Variants in LIN52 observed in about 807,000 individuals in gnomAD.
LIN52 encodes lin-52 DREAM MuvB core complex component.
In LIN52, 4 loss-of-function variants were observed where a neutral mutation model predicts 18.5. The ratio of observed to expected loss-of-function variants is 0.22; its 90% CI spans 0.11 to 0.49. The LOEUF (loss-of-function observed/expected upper bound fraction) is 0.49. Among genes scored for constraint, LIN52 ranks in the 20% least tolerant of loss-of-function variants. The probability of loss-of-function intolerance (pLI) is 0.97; values close to 1 mark genes in which losing one functional copy is unlikely to be tolerated. For synonymous variants in LIN52, 34 were observed against 45.5 expected (o/e 0.75, Z 1.02); for missense variants, 102 against 139.5 (o/e 0.73, Z 1.35).
chr14:74,196,483 C>A (rs903448805), intron 5 of LIN52, among the ~76,000 whole-genome samples: 12 of 152,102 alleles, frequency 7.9e-5, no homozygotes, highest in African/African-American at 2.9e-4. Flanking sequence ...TTTGTATTGA[C>A]CGTGTCTGGT....
chr14:74,184,003 T>A (rs2061330692), intron 5 of LIN52, among the ~76,000 whole-genome samples: 1 of 152,174 alleles, frequency 6.6e-6, no homozygotes, highest in African/African-American at 2.4e-5. Flanking sequence ...GAATCTTAAG[T>A]CTCTTTTAAT....
intron 5 of LIN52, among the ~76,000 whole-genome samples, chr14:74,155,141 T>C (rs1314133738): frequency 6.6e-6 from 1 of 152,230 alleles, no homozygotes; most frequent in Non-Finnish European, 1.5e-5. Flanking sequence ...GCAGCCCCTC[T>C]TCTTCCTGGA....
chr14:74,148,801 G>T (rs17097188), intron 5 of LIN52, among the ~76,000 whole-genome samples: 26,275 of 152,080 alleles, frequency 0.17, 2,780 homozygotes, highest in East Asian at 0.58. Context: ...TTAAGGGGGC[G>T]AAGTAACTTT....
At chr14:74,159,338 A>G (rs1270213713) in intron 5 of LIN52, among the ~76,000 whole-genome samples, 1 of 152,140 alleles carries the variant, frequency 6.6e-6, no homozygotes, top group African/African-American at 2.4e-5. Context: ...TCTTTCCTAA[A>G]GCTTTCTGGT....
intron 5 of LIN52, among the ~76,000 whole-genome samples, chr14:74,119,329 A>ATT (rs547474354): frequency 6.6e-6 from 1 of 150,898 alleles, no homozygotes; most frequent in Admixed American, 6.6e-5. Context: ...CGCCCAGCTA[A>ATT]TTTTTTTTGT....
intron 5 of LIN52, among the ~76,000 whole-genome samples, chr14:74,165,653 C>T (rs1853038843): frequency 6.6e-6 from 1 of 151,586 alleles, no homozygotes; most frequent in South Asian, 2.1e-4. Context: ...GGATTACAGG[C>T]ACATGCCACC....
intron 5 of LIN52, among the ~76,000 whole-genome samples, chr14:74,140,957 C>T (rs1177084658): frequency 6.6e-6 from 1 of 152,016 alleles, no homozygotes; most frequent in Non-Finnish European, 1.5e-5. Flanking sequence ...CATGGAAATT[C>T]ATTAATAAAA....
chr14:74,130,278 G>GTTTTTTTTTTTGTTTTTTTTTTTTTTTTT (rs2061055285), intron 5 of LIN52, among the ~76,000 whole-genome samples: 15 of 64,824 alleles, frequency 2.3e-4, no homozygotes, highest in East Asian at 1.4e-3. Flanking sequence ...GCATTTTTTG[G>GTTTTTTTTTTTGTTTTTTTTTTTTTTTTT]TTTTTTTTTT....
At chr14:74,166,679 T>G (rs1399885022) in intron 5 of LIN52, among the ~76,000 whole-genome samples, 1 of 152,226 alleles carries the variant, frequency 6.6e-6, no homozygotes, top group African/African-American at 2.4e-5. Flanking sequence ...TTTAGCAATA[T>G]GTTGATCACA....
At chr14:74,197,993 T>A (rs1480805187) in intron 5 of LIN52, among the ~76,000 whole-genome samples, 1 of 152,188 alleles carries the variant, frequency 6.6e-6, no homozygotes, top group Non-Finnish European at 1.5e-5. Flanking sequence ...CCACACAGCC[T>A]ACCCCGTGCC....
chr14:74,142,393 G>A (rs2061135169), intron 5 of LIN52, among the ~76,000 whole-genome samples: 1 of 152,014 alleles, frequency 6.6e-6, no homozygotes, highest in South Asian at 2.1e-4. Context: ...ATAATTGGAG[G>A]CTATTATTAA....
At chr14:74,195,094 T>TTGCA (rs2078903540) in intron 5 of LIN52, among the ~76,000 whole-genome samples, 1 of 152,086 alleles carries the variant, frequency 6.6e-6, no homozygotes, top group Non-Finnish European at 1.5e-5. Context: ...TGCAGTGAGC[T>TTGCA]GAGATTGCAA....
At chr14:74,119,307 G>A (rs553717822) in intron 5 of LIN52, among the ~76,000 whole-genome samples, 6 of 151,102 alleles carry the variant, frequency 4.0e-5, no homozygotes, top group Admixed American at 2.0e-4. Flanking sequence ...GACTACAGGC[G>A]CCCCCCCACC....
At chr14:74,090,523 G>A (rs1338391127) in intron 1 of LIN52, among the ~76,000 whole-genome samples, 1 of 151,074 alleles carries the variant, frequency 6.6e-6, no homozygotes, top group Non-Finnish European at 1.5e-5. Context: ...TTTTAGTAGA[G>A]ACAGGGTTTC....
At chr14:74,158,240 G>A (rs1026575055) in intron 5 of LIN52, among the ~76,000 whole-genome samples, 1 of 151,190 alleles carries the variant, frequency 6.6e-6, no homozygotes, top group African/African-American at 2.4e-5. Flanking sequence ...TCAGCCTCCC[G>A]AGAGCCAGGA....
chr14:74,154,960 A>G (rs1304916321), intron 5 of LIN52, among the ~76,000 whole-genome samples: 1 of 152,170 alleles, frequency 6.6e-6, no homozygotes, highest in Admixed American at 6.5e-5. Flanking sequence ...CCTGAGATTG[A>G]TTTTTGTTAC....
At chr14:74,188,825 A>G (rs2061351176) in intron 5 of LIN52, among the ~76,000 whole-genome samples, 1 of 152,184 alleles carries the variant, frequency 6.6e-6, no homozygotes, top group African/African-American at 2.4e-5. Context: ...AGTTTCAGAC[A>G]TTATTATTCA....
chr14:74,143,146 A>G (rs959364328), intron 5 of LIN52, among the ~76,000 whole-genome samples: 6 of 152,026 alleles, frequency 3.9e-5, no homozygotes, highest in Non-Finnish European at 8.8e-5. Context: ...TAAATTATCA[A>G]TTTCCTACAA....
chr14:74,150,884 C>G (rs557556448), intron 5 of LIN52, among the ~76,000 whole-genome samples: 16 of 152,112 alleles, frequency 1.1e-4, no homozygotes, highest in Non-Finnish European at 2.2e-4. Flanking sequence ...ACCCTCCCGC[C>G]CCCCTGCTCC....
Sources: gnomAD v4.1 joint callset for allele counts (sites outside exome capture counted in the v4.1 genomes callset) on GRCh38, gnomAD v4.1.1 for gene constraint, MANE v1.5 for transcripts, NCBI Gene and HGNC (gene_info 2026-07-23, HGNC 2026-07-21) for gene names.